KEAP1: variants seen among roughly 807,000 people sequenced by gnomAD.
KEAP1 encodes kelch like ECH associated protein 1.
Under a neutral mutation model 59.7 loss-of-function variants are expected in KEAP1, and 26 were observed. The observed-to-expected ratio is 0.44, with a 90% CI of 0.32 to 0.60. The LOEUF (loss-of-function observed/expected upper bound fraction) is 0.60. KEAP1 is among the 20% of genes least tolerant of loss of function. The pLI is 0.06. For missense variants in KEAP1, 539 were observed against 871.4 expected (o/e 0.62, Z 4.80); for synonymous variants, 350 against 358.3 (o/e 0.98, Z 0.26).
rs576044083 is a variant in KEAP1, at chr19:10,491,305, A to G, written c.1325+272T>C. On this transcript the variant is annotated intron_variant, in intron 3 of 5. Transcript: ENST00000171111. The surrounding 1 kb of genome is among the most constrained non-coding windows in gnomAD (Gnocchi z 5.2). ...ATTATAGGTATGGGCCACAGTGCCT[A>G]GCCCAACAATTTCAAACTGATGGAA... Among the ~76,000 whole-genome samples, 1 of 152,258 alleles carries G rather than the reference A, an allele frequency of 6.6e-6. No individual in the cohort carries two copies. The highest frequency in any genetic ancestry group is 1.5e-5 in the Non-Finnish European group (1 of 68,012).
At chr19:10,496,488 C>T (rs1245183079) in intron 2 of KEAP1, among the ~76,000 whole-genome samples, 2 of 144,298 alleles carry the variant, frequency 1.4e-5, no homozygotes, top group East Asian at 4.0e-4. Flanking sequence ...GAGTGAGACT[C>T]TGTCCCCCAC....
Position 10,489,272 on chromosome 19 carries a change from G to A in KEAP1, c.1628C>T (p.Thr543Met), listed in dbSNP as rs111830952. ...SVERYDVETE[T>M]WTFVAPMKHR... is the part of the protein sequence containing the mutation. ...CTTCATGGGGGCTACGAAAGTCCAC[G>A]TCTCTGTTTCCACATCGTAGCGCTC... Residue 543 changes from threonine (T) to methionine (M), a missense_variant, in exon 5 of 6, where the codon ACG becomes ATG. This residue lies in a region of KEAP1 where 311 missense variants were observed against 425.2 expected (regional missense o/e 0.73). Coordinates refer to ENST00000171111, the MANE Select transcript of KEAP1 (RefSeq NM_203500.2). 2.3e-5 allele frequency: 37 copies of A among 1,613,752 alleles called. No individual in the cohort carries two copies. Among genetic ancestry groups the A allele is most frequent in the African/African-American group, 1.3e-4 (10 of 74,900 alleles).
intron 5 of KEAP1, among the ~76,000 whole-genome samples, chr19:10,487,282 G>GCAGTGAGCA (rs1171417231): frequency 4.6e-5 from 7 of 152,134 alleles, no homozygotes; most frequent in Non-Finnish European, 4.4e-5. Context: ...GGGAGGCAGA[G>GCAGTGAGCA]GTTGCAGTGA....
At chr19:10,500,444 G>A (rs951059511) in intron 1 of KEAP1, among the ~76,000 whole-genome samples, 1 of 152,116 alleles carries the variant, frequency 6.6e-6, no homozygotes, top group African/African-American at 2.4e-5. Flanking sequence ...TCTAGAGCAT[G>A]TTGAGCTCAT....
Position 10,489,333 on chromosome 19 carries a change from C to T in KEAP1, c.1567G>A (p.Gly523Arg), listed in dbSNP as rs2144587463. Residue 523 changes from glycine to arginine, a missense_variant, in exon 5 of 6, where the codon GGG (glycine) becomes AGG (arginine). Transcript: ENST00000171111. ...AGCTGGTCCTGACCATCATAGCCCC[C>T]AGCAGCATAGATACAGTTGTGCAGG... ...CVLHNCIYAAGGYDGQDQLNS... is the reference protein window; with the variant it reads ...CVLHNCIYAARGYDGQDQLNS... The T allele has an allele frequency of 6.2e-7, 1 of 1,614,008 alleles. No individual in the cohort carries two copies. Among genetic ancestry groups the T allele is most frequent in the East Asian group, 2.2e-5 (1 of 44,866 alleles).
rs2144631359 is a variant in KEAP1, at chr19:10,499,996, C to T, written c.38G>A (p.Cys13Tyr). The change falls in exon 2 of 6, where the codon TGC becomes TAC. Residue 13 changes from cysteine to tyrosine, a missense_variant. By Grantham distance (194) the Cys-to-Tyr change is radical. Around this residue, in one of 4 missense-constraint regions of KEAP1, gnomAD observed 166 missense variants for 295.8 expected, o/e 0.56. Coordinates refer to ENST00000171111, the MANE Select transcript of KEAP1 (RefSeq NM_203500.2). This position sits in a 1 kb window ranked among gnomAD's most constrained non-coding sequence, Gnocchi z 6.7. ...PDPRPSGAGA[C>Y]CRFLPLQSQC... ...TGACTGCAGGGGCAGGAATCGGCAG[C>T]AGGCCCCAGCCCCGCTAGGCCTGGG... The T allele has an allele frequency of 6.3e-7, 1 of 1,576,024 alleles. No individual in the cohort carries two copies. Among genetic ancestry groups the T allele is most frequent in the Non-Finnish European group, 8.6e-7 (1 of 1,156,254 alleles).
intron 5 of KEAP1, 38 bp downstream of exon 5, chr19:10,489,153 TG>T: frequency 7.3e-7 from 1 of 1,360,780 alleles, no homozygotes; most frequent in Non-Finnish European, 1.0e-6. Flanking sequence ...CCACAAAAGA[TG>T]GGCTAGTCAG....
In KEAP1 at chr19:10,493,632, G is replaced by A. The variant is rs1475059927; in HGVS notation, c.640-1370C>T. Reference sequence around the variant, plus strand: ...GCCGGACTGCAGTGGCGCTATCTCGGCTCACTGCAAGCTCCACCTCCCGGG... The same window carrying A: ...GCCGGACTGCAGTGGCGCTATCTCGACTCACTGCAAGCTCCACCTCCCGGG... On this transcript the variant is annotated intron_variant, in intron 2 of 5. Coordinates refer to ENST00000171111, the MANE Select transcript of KEAP1 (RefSeq NM_203500.2). Among the ~76,000 whole-genome samples the A allele has an allele frequency of 2.1e-5, 3 of 145,594 alleles. No homozygotes were observed. In the East Asian group the frequency reaches 6.1e-4, roughly 30 times the overall value.
Position 10,497,754 on chromosome 19 carries a change from C to T in KEAP1, c.639+1641G>A, listed in dbSNP as rs1386783028. Among the ~76,000 whole-genome samples the T allele has an allele frequency of 2.6e-5, 4 of 152,222 alleles. No individual in the cohort carries two copies. In the Middle Eastern group the frequency reaches 0.01, roughly 388 times the overall value. Reference sequence around the variant, plus strand: ...TTTAAAAACTAAAAAATTAGCCATGCGTGGTGCTGCATACCTATAGTCCCA... The same window carrying T: ...TTTAAAAACTAAAAAATTAGCCATGTGTGGTGCTGCATACCTATAGTCCCA... On this transcript the variant is annotated intron_variant, in intron 2 of 5. Coordinates refer to ENST00000171111, the MANE Select transcript of KEAP1 (RefSeq NM_203500.2).
rs1268529641 is a variant in KEAP1 at position 10,503,018 on chromosome 19, C to G, written c.-48+223G>C. 36 of 152,028 alleles carry G rather than the reference C, an allele frequency of 2.4e-4. No homozygotes were observed. Among genetic ancestry groups the G allele is most frequent in the Non-Finnish European group, 1.5e-5 (1 of 67,986 alleles). 9.4% of individuals were successfully genotyped at this position (152,028 alleles called of 1,614,324 possible). A position where few individuals can be genotyped will look rare whatever the true frequency, so the allele number is the denominator to read the frequency against. On this transcript the variant is annotated intron_variant, in intron 1 of 5. Coordinates refer to ENST00000171111, the MANE Select transcript of KEAP1 (RefSeq NM_203500.2). This position sits in a 1 kb window ranked among gnomAD's most constrained non-coding sequence, Gnocchi z 4.3. ...TCGCGGGGAGTCTGAACCCCGAGTT[C>G]CAGGCCTGCGCGCCCCGGCCCGCAC...
rs372432480 is a variant in KEAP1 at position 10,493,352 on chromosome 19, T to C, written c.640-1090A>G. The stretch of plus-strand genomic sequence containing the variant: ...TTTTTTTGTATTTTTTTAGTAGAGA[T>C]GGGGTTTCACCGTGTTAGCCAGGAT... On this transcript the variant is annotated intron_variant, in intron 2 of 5. Coordinates refer to ENST00000171111, the MANE Select transcript of KEAP1 (RefSeq NM_203500.2). 7.5e-4 allele frequency among the ~76,000 whole-genome samples: 114 copies of C among 151,540 alleles called. 2 individuals are homozygous for C. The East Asian group carries it at 0.014, about 19-fold the overall frequency.
In KEAP1 at chr19:10,489,261, C is replaced by G. The variant is rs369083385; in HGVS notation, c.1639G>C (p.Val547Leu). The change falls in exon 5 of 6, where the codon GTA (valine) becomes CTA (leucine). Residue 547 changes from valine to leucine, a missense_variant. By Grantham distance (32) the Val-to-Leu change is conservative. Around this residue, in one of 4 missense-constraint regions of KEAP1, gnomAD observed 311 missense variants for 425.2 expected, o/e 0.73. Transcript: ENST00000171111. ...CTTCGCCGGTGCTTCATGGGGGCTACGAAAGTCCACGTCTCTGTTTCCACA... is the reference window on the plus strand; with the variant it reads ...CTTCGCCGGTGCTTCATGGGGGCTAGGAAAGTCCACGTCTCTGTTTCCACA... ...YDVETETWTF[V>L]APMKHRRSAL... 293 of 1,613,232 alleles carry G rather than the reference C, an allele frequency of 1.8e-4. No homozygotes were observed. Among genetic ancestry groups the G allele is most frequent in the Non-Finnish European group, 2.3e-4 (277 of 1,179,978 alleles).
rs753512861 is a variant in KEAP1 at position 10,489,790 on chromosome 19, C to T, written c.1389G>A (p.Val463=). The change falls in exon 4 of 6, where the codon GTG becomes GTA. Residue 463 remains valine (V), a synonymous_variant. Coordinates refer to ENST00000171111, the MANE Select transcript of KEAP1 (RefSeq NM_203500.2). ...GGAGACGATTGAGGACAGCCACGCC[C>T]ACCCCGATCCTTCGTGTCAGCATTG... ...VAPMLTRRIG[V]GVAVLNRLLY... is the part of the protein sequence containing the mutation. 1 of 1,614,098 alleles carries T rather than the reference C, an allele frequency of 6.2e-7. No homozygotes were observed. The highest frequency in any genetic ancestry group is 8.5e-7 in the Non-Finnish European group (1 of 1,180,040).
At chr19:10,494,964 CT>C (rs374012723) in intron 2 of KEAP1, among the ~76,000 whole-genome samples, 16,591 of 142,514 alleles carry the variant, frequency 0.12, 1,055 homozygotes, top group South Asian at 0.22. Context: ...TCTTTTGTTT[CT>C]TTTTTTTTTT....
At chr19:10,492,377 C>G (rs925093526) in intron 2 of KEAP1, 115 bp from the exon 3 acceptor site, 3 of 732,306 alleles carry the variant, frequency 4.1e-6, no homozygotes, top group Admixed American at 5.4e-5. Context: ...TCCTTATCTG[C>G]TAAATGGGGA....
At position 10,489,694 on chromosome 19, in the gene KEAP1, G is replaced by A. The variant is rs755856662; in HGVS notation, c.1485C>T (p.Asn495=). Residue 495 remains asparagine, a synonymous_variant, in exon 4 of 6, where the codon AAC becomes AAT. Coordinates refer to ENST00000171111, the MANE Select transcript of KEAP1 (RefSeq NM_203500.2). ...TCATTGCTGTGATCATTCGCCACTC[G>A]TTCCTCTCTGGGTAGTAACACTCAG... ...NSAECYYPER[N]EWRMITAMNT... 31 of 1,613,756 alleles carry A rather than the reference G, an allele frequency of 1.9e-5. No individual in the cohort carries two copies. Among genetic ancestry groups the A allele is most frequent in the East Asian group, 1.1e-4 (5 of 44,878 alleles).
chr19:10,492,077 C>A lies in KEAP1; in HGVS notation c.825G>T (p.Ser275=). Residue 275 remains serine (S), a synonymous_variant, in exon 3 of 6, where the codon TCG becomes TCT. Coordinates refer to ENST00000171111, the MANE Select transcript of KEAP1 (RefSeq NM_203500.2). ...QALLRAVRCH[S]LTPNFLQMQL... is the part of the protein sequence containing the mutation. ...GCATCTGCAGGAAGTTCGGCGTCAA[C>A]GAGTGGCAGCGCACGGCCCGCAGCA... 3 of 1,613,962 alleles carry A rather than the reference C, an allele frequency of 1.9e-6. No individual in the cohort carries two copies. The highest frequency in any genetic ancestry group is 2.5e-6 in the Non-Finnish European group (3 of 1,180,048).
In KEAP1 at chr19:10,499,912, T is replaced by G; in HGVS notation, c.122A>C (p.Glu41Ala). 6.2e-7 allele frequency: 1 copy of G among 1,613,176 alleles called. No homozygotes were observed. The highest frequency in any genetic ancestry group is 8.5e-7 in the Non-Finnish European group (1 of 1,179,728). Residue 41 changes from glutamate (E) to alanine (A), a missense_variant, in exon 2 of 6, where the codon GAG (glutamate) becomes GCG (alanine). Glu to Ala is a moderately radical substitution (Grantham distance 107). Transcript: ENST00000171111. The surrounding 1 kb of genome is among the most constrained non-coding windows in gnomAD (Gnocchi z 6.7). ...VMYASTECKA[E>A]VTPSQHGNRT... The stretch of plus-strand genomic sequence containing the variant: ...GTTGCCATGCTGGGAGGGCGTCACC[T>G]CCGCCTTGCACTCAGTGGAGGCGTA...
rs1914851356 is a variant in KEAP1 at position 10,496,427 on chromosome 19, C to T, written c.639+2968G>A. Among the ~76,000 whole-genome samples, 3 of 148,616 alleles carry T rather than the reference C, an allele frequency of 2.0e-5. No individual in the cohort carries two copies. In the South Asian group the frequency reaches 6.5e-4, roughly 32 times the overall value. ...ATGAGAATCACTTGAACCCGAGAGGCGGAGGTTGCAGTGAGCCGAGATCAT... is the reference window on the plus strand; with the variant it reads ...ATGAGAATCACTTGAACCCGAGAGGTGGAGGTTGCAGTGAGCCGAGATCAT... On this transcript the variant is annotated intron_variant, in intron 2 of 5. Coordinates refer to ENST00000171111, the MANE Select transcript of KEAP1 (RefSeq NM_203500.2).
Sources: allele counts gnomAD v4.1 joint callset (sites outside exome capture counted in the v4.1 genomes callset), GRCh38; gene constraint gnomAD v4.1.1; regional missense constraint gnomAD v4.1.1; non-coding constraint Gnocchi (gnomAD v3.1); transcripts MANE v1.5; gene names NCBI Gene and HGNC (gene_info 2026-07-23, HGNC 2026-07-21).